PIK3C2A: variants seen among roughly 807,000 people sequenced by gnomAD.
PIK3C2A encodes phosphatidylinositol-4-phosphate 3-kinase catalytic subunit type 2 alpha.
In PIK3C2A, 97 loss-of-function variants were observed where a neutral mutation model predicts 204.5. The observed-to-expected ratio is 0.47, with a 90% CI of 0.40 to 0.56. The LOEUF is 0.56. PIK3C2A is among the 20% of genes least tolerant of loss of function. The pLI is 0.00. For missense variants in PIK3C2A, 1,735 were observed against 1,969.2 expected (o/e 0.88, Z 2.25); for synonymous variants, 653 against 664.4 (o/e 0.98, Z 0.26).
At chr11:17,110,923 T>A (rs571774922) in intron 21 of PIK3C2A, among the ~76,000 whole-genome samples, 3 of 152,198 alleles carry the variant, frequency 2.0e-5, no homozygotes, top group South Asian at 2.1e-4. Context: ...TTATTTATTT[T>A]TTGAGACTGA....
intron 8 of PIK3C2A, 61 bp from the exon 9 acceptor site, chr11:17,136,686 G>A: frequency 1.1e-6 from 1 of 885,890 alleles, no homozygotes; most frequent in Non-Finnish European, 1.7e-6. Context: ...CAATTCCAGA[G>A]ACGAAGTCAG....
At chr11:17,207,235 C>A (rs1005208688) in intron 1 of PIK3C2A, among the ~76,000 whole-genome samples, 10 of 152,130 alleles carry the variant, frequency 6.6e-5, no homozygotes, top group African/African-American at 2.4e-4. Flanking sequence ...TTAATCTGAC[C>A]GCTCTCTCAG....
At position 17,119,854 on chromosome 11, in the gene PIK3C2A, T is replaced by A; in HGVS notation, c.2778A>T (p.Lys926Asn). 1 of 1,610,960 alleles carries A rather than the reference T, an allele frequency of 6.2e-7. No homozygotes were observed. The highest frequency in any genetic ancestry group is 8.5e-7 in the Non-Finnish European group (1 of 1,178,692). The change falls in exon 16 of 33, where the codon AAA (lysine) becomes AAT (asparagine). Residue 926 changes from lysine to asparagine, a missense_variant. Lys to Asn is a moderately conservative substitution (Grantham distance 94, BLOSUM62 0). Around this residue, in one of 6 missense-constraint regions of PIK3C2A, gnomAD observed 567 missense variants for 576.0 expected, o/e 0.98. Coordinates refer to ENST00000691414, the MANE Select transcript of PIK3C2A (RefSeq NM_002645.4). ...APNWKWVNLA[K>N]TYSLLHQWPA... is the part of the protein sequence containing the mutation. ...GCCACTGGTGAAGCAATGAGTAAGT[T>A]TTGGCAAGATTAACCCATTTCCAGT...
intron 12 of PIK3C2A, among the ~76,000 whole-genome samples, chr11:17,131,643 G>C (rs968237746): frequency 2.6e-5 from 4 of 152,046 alleles, no homozygotes; most frequent in Non-Finnish European, 5.9e-5. Flanking sequence ...GGATGGTCTC[G>C]ATCTCCTGAC....
At chr11:17,113,201 C>A (rs886945778) in intron 20 of PIK3C2A, among the ~76,000 whole-genome samples, 1 of 152,026 alleles carries the variant, frequency 6.6e-6, no homozygotes, top group Non-Finnish European at 1.5e-5. Flanking sequence ...TTTCTAGACT[C>A]TCTGGAAGAT....
At position 17,089,566 on chromosome 11, in the gene PIK3C2A, G is replaced by A. The variant is rs185284146; in HGVS notation, c.*172C>T. Reference sequence around the variant, plus strand: ...AAAAAGGTTAGTTATGTGACTGTTGGTCCAACAGATGTGTTGAAATGCAGC... The same window carrying A: ...AAAAAGGTTAGTTATGTGACTGTTGATCCAACAGATGTGTTGAAATGCAGC... On this transcript the variant is annotated 3_prime_UTR_variant, in exon 33 of 33. Coordinates refer to ENST00000691414, the MANE Select transcript of PIK3C2A (RefSeq NM_002645.4). The A allele has an allele frequency of 1.5e-5, 8 of 527,166 alleles. No homozygotes were observed. Among genetic ancestry groups the A allele is most frequent in the African/African-American group, 1.3e-4 (7 of 52,170 alleles). The allele number at this position is 527,166 out of a possible 1,614,324, so 32.7% of individuals were successfully genotyped here. A position where few individuals can be genotyped will look rare whatever the true frequency, so the allele number is the denominator to read the frequency against.
At chr11:17,145,514 T>G (rs139648674) in intron 8 of PIK3C2A, among the ~76,000 whole-genome samples, 154 bp downstream of exon 8, 1 of 152,300 alleles carries the variant, frequency 6.6e-6, no homozygotes, top group East Asian at 1.9e-4. Flanking sequence ...TGTTGAACTG[T>G]AAGTCAATTA....
At chr11:17,199,206 A>G (rs1181613209) in intron 1 of PIK3C2A, among the ~76,000 whole-genome samples, 1 of 152,188 alleles carries the variant, frequency 6.6e-6, no homozygotes, top group Non-Finnish European at 1.5e-5. Flanking sequence ...AATGGCTATA[A>G]CTGGAAAAAA....
At chr11:17,187,959 G>A (rs984550468) in intron 1 of PIK3C2A, among the ~76,000 whole-genome samples, 1 of 152,094 alleles carries the variant, frequency 6.6e-6, no homozygotes, top group Non-Finnish European at 1.5e-5. Context: ...ATGGTAGGAA[G>A]CAGATTTACT....
intron 1 of PIK3C2A, among the ~76,000 whole-genome samples, chr11:17,201,323 T>C (rs1852364884): frequency 1.3e-5 from 2 of 151,832 alleles, no homozygotes; most frequent in South Asian, 2.1e-4. Flanking sequence ...GGTCAAAAGA[T>C]TGAGACCATC....
intron 13 of PIK3C2A, among the ~76,000 whole-genome samples, chr11:17,124,457 CT>C (rs397849773): frequency 2.1e-3 from 286 of 138,268 alleles, no homozygotes; most frequent in Middle Eastern, 3.9e-3. Context: ...ATTTGGATGT[CT>C]TTTTTTTTTT....
intron 1 of PIK3C2A, among the ~76,000 whole-genome samples, chr11:17,186,764 G>C (rs1026886803): frequency 6.6e-6 from 1 of 152,182 alleles, no homozygotes; most frequent in Non-Finnish European, 1.5e-5. Flanking sequence ...TACAGTTCAT[G>C]TCTGCTTGGG....
At chr11:17,120,534 T>G (rs1849338230) in intron 15 of PIK3C2A, among the ~76,000 whole-genome samples, 1 of 151,770 alleles carries the variant, frequency 6.6e-6, no homozygotes, top group African/African-American at 2.4e-5. Flanking sequence ...GCACTGAAAT[T>G]TATTCATTTC....
chr11:17,114,512 T>C (rs770810405), intron 19 of PIK3C2A, 47 bp from the exon 20 acceptor site: 3 of 873,696 alleles, frequency 3.4e-6, no homozygotes, highest in Non-Finnish European at 3.8e-6. Flanking sequence ...AAAATGAAGA[T>C]CTATTTTTCA....
chr11:17,131,967 T>C lies in PIK3C2A; in HGVS notation c.2180A>G (p.Lys727Arg), dbSNP rs1249122081. Residue 727 changes from lysine (K) to arginine (R), a missense_variant, in exon 12 of 33, where the codon AAG becomes AGG. Lys to Arg is a conservative substitution (Grantham distance 26). Transcript: ENST00000691414. ...GAAATTCTTGTAAGTGCCAACCTTC[T>C]TTGATTGAATAGGTTTAAAAAGATC... ...GKDLFKPIQS[K>R]KVGTYKNFFY... 5.1e-6 allele frequency: 8 copies of C among 1,583,750 alleles called. No homozygotes were observed. The highest frequency in any genetic ancestry group is 6.1e-6 in the Non-Finnish European group (7 of 1,156,768).
In PIK3C2A at chr11:17,117,481, G is replaced by C. The variant is rs1174938515; in HGVS notation, c.3216+10C>G. The C allele has an allele frequency of 6.3e-7, 1 of 1,575,326 alleles. No individual in the cohort carries two copies. Among genetic ancestry groups the C allele is most frequent in the Admixed American group, 1.7e-5 (1 of 57,492 alleles). On this transcript the variant is annotated intron_variant, in intron 19 of 32. Transcript: ENST00000691414. Reference sequence around the variant, plus strand: ...TTAACACATTTATATTACCTTTTATGGGTACATACCTGTCTGGCTGATCCA... The same window carrying C: ...TTAACACATTTATATTACCTTTTATCGGTACATACCTGTCTGGCTGATCCA...
intron 27 of PIK3C2A, among the ~76,000 whole-genome samples, chr11:17,095,461 G>A (rs1848427004): frequency 6.7e-6 from 1 of 149,912 alleles, no homozygotes; most frequent in Non-Finnish European, 1.5e-5. Flanking sequence ...CGTGGTGGTG[G>A]GTACCTGTAG....
At chr11:17,180,529 A>C (rs79271765) in intron 1 of PIK3C2A, among the ~76,000 whole-genome samples, 31,765 of 86,208 alleles carry the variant, frequency 0.37, 3,639 homozygotes, top group Admixed American at 0.45. Context: ...AACAAAAAAC[A>C]AAAAAAAAAA....
At chr11:17,206,605 G>T (rs1322101632) in intron 1 of PIK3C2A, among the ~76,000 whole-genome samples, 3 of 150,874 alleles carry the variant, frequency 2.0e-5, no homozygotes, top group Non-Finnish European at 4.4e-5. Flanking sequence ...AAAAAAAAGA[G>T]CACCAACCCC....
Sources: gnomAD v4.1 joint callset for allele counts (sites outside exome capture counted in the v4.1 genomes callset) on GRCh38, gnomAD v4.1.1 for gene constraint, gnomAD v4.1.1 regional missense constraint, MANE v1.5 for transcripts, NCBI Gene and HGNC (gene_info 2026-07-23, HGNC 2026-07-21) for gene names.